The following CDKN3 variants were observed in gnomAD, a reference collection of about 807,000 sequenced individuals.
CDKN3 encodes the protein cyclin-dependent kinase inhibitor 3.
Under a neutral mutation model 36.1 loss-of-function variants are expected in CDKN3, and 19 were observed. The ratio of observed to expected loss-of-function variants is 0.53; its 90% CI spans 0.37 to 0.77. The LOEUF (loss-of-function observed/expected upper bound fraction) is 0.77. Ranked by LOEUF, CDKN3 falls within the 30% of genes least tolerant of loss-of-function variation. The pLI is 0.00. For missense variants in CDKN3, 188 were observed against 248.6 expected, an observed-to-expected ratio of 0.76 and a Z score of 1.64; for synonymous variants, 71 against 85.3, an observed-to-expected ratio of 0.83 and a Z score of 0.92.
intron 4 of CDKN3, among the ~76,000 whole-genome samples, chr14:54,410,538 A>G (rs894906335): frequency 6.6e-6 from 1 of 152,212 alleles, no homozygotes; most frequent in African/African-American, 2.4e-5. Context: ...TATTCATATC[A>G]TTATAATGAG....
chr14:54,398,672 T>A (rs944320190), intron 1 of CDKN3, among the ~76,000 whole-genome samples: 3 of 152,248 alleles, frequency 2.0e-5, no homozygotes, highest in Admixed American at 1.3e-4. Context: ...TTTTTCTTTT[T>A]CTTTTGATTC....
At chr14:54,407,542 C>G (rs1269184901) in intron 3 of CDKN3, among the ~76,000 whole-genome samples, 1 of 152,184 alleles carries the variant, frequency 6.6e-6, no homozygotes, top group Non-Finnish European at 1.5e-5. Context: ...GATGCCCTGC[C>G]CAGAGTGGAG....
intron 3 of CDKN3, among the ~76,000 whole-genome samples, chr14:54,407,458 G>A (rs1043696907): frequency 7.2e-5 from 11 of 152,168 alleles, no homozygotes; most frequent in Non-Finnish European, 1.3e-4. Context: ...CATCCCTTCC[G>A]CCAGGTGCTC....
intron 3 of CDKN3, among the ~76,000 whole-genome samples, chr14:54,404,351 G>C (rs895053523): frequency 6.6e-6 from 1 of 152,104 alleles, no homozygotes. Context: ...GGTGTTTATA[G>C]TATTCTCTGA....
intron 6 of CDKN3, 95 bp downstream of exon 6, chr14:54,416,025 C>A (rs560021222): frequency 5.4e-6 from 5 of 932,756 alleles, no homozygotes; most frequent in Non-Finnish European, 8.7e-6. Flanking sequence ...TGGAACCAAG[C>A]AAAATATAAG....
chr14:54,407,050 G>A (rs371002846), intron 3 of CDKN3, among the ~76,000 whole-genome samples: 1 of 152,194 alleles, frequency 6.6e-6, no homozygotes, highest in Non-Finnish European at 1.5e-5. Context: ...TTCCGTTGAT[G>A]TTGATGCTAT....
In CDKN3 at chr14:54,397,046, G is replaced by T; in HGVS notation, c.-23G>T. ...GGCGCTGCAGAGGGAGGCGGCACTGGTCTCGACGTGGGGCGGCCAGCGATG... is the reference window on the plus strand; with the variant it reads ...GGCGCTGCAGAGGGAGGCGGCACTGTTCTCGACGTGGGGCGGCCAGCGATG... On this transcript the variant is annotated 5_prime_UTR_variant, in exon 1 of 8. Coordinates refer to ENST00000335183, the MANE Select transcript of CDKN3 (RefSeq NM_005192.4). 6.7e-7 allele frequency: 1 copy of T among 1,496,542 alleles called. No individual in the cohort carries two copies. The highest frequency in any genetic ancestry group is 2.8e-5 in the East Asian group (1 of 36,334). The allele number at this position is 1,496,542 out of a possible 1,614,324, so 92.7% of individuals were successfully genotyped here. A position where few individuals can be genotyped will look rare whatever the true frequency, so the allele number is the denominator to read the frequency against.
chr14:54,413,569 T>C (rs2030432172), intron 5 of CDKN3: 14 of 1,406,076 alleles, frequency 1.0e-5, no homozygotes, highest in Non-Finnish European at 1.3e-5. Flanking sequence ...TCCCATAAAA[T>C]AAAGCATCTG....
chr14:54,418,025 A>C, intron 7 of CDKN3, 74 bp downstream of exon 7: 4 of 814,254 alleles, frequency 4.9e-6, no homozygotes, highest in Non-Finnish European at 8.2e-6. Flanking sequence ...GTGTAACCAA[A>C]AGGTTACATA....
At chr14:54,417,247 C>T (rs759839917) in intron 6 of CDKN3, among the ~76,000 whole-genome samples, 50 of 152,132 alleles carry the variant, frequency 3.3e-4, no homozygotes, top group Non-Finnish European at 5.4e-4. Context: ...TGGAAACAGC[C>T]TAAATGTCCA....
chr14:54,408,810 C>A, intron 4 of CDKN3, 21 bp downstream of exon 4: 2 of 1,545,884 alleles, frequency 1.3e-6, no homozygotes, highest in Non-Finnish European at 1.7e-6. Context: ...TATCACGCAA[C>A]CACACTCATG....
chr14:54,417,734 T>G (rs2030596236), intron 6 of CDKN3, 114 bp from the exon 7 acceptor site: 1 of 547,666 alleles, frequency 1.8e-6, no homozygotes. Context: ...TTTTAATTCA[T>G]TTGGAACAAT....
chr14:54,416,039 G>A, intron 6 of CDKN3, 109 bp downstream of exon 6: 1 of 838,448 alleles, frequency 1.2e-6, no homozygotes. Context: ...ATATAAGTTT[G>A]CTAAGACTCA....
chr14:54,407,607 G>A (rs912670390), intron 3 of CDKN3, among the ~76,000 whole-genome samples: 5 of 152,170 alleles, frequency 3.3e-5, no homozygotes, highest in Non-Finnish European at 5.9e-5. Context: ...GGTGGGTTCC[G>A]CACCCAGTTC....
chr14:54,412,156 G>A (rs969249029), intron 5 of CDKN3, among the ~76,000 whole-genome samples: 3 of 152,182 alleles, frequency 2.0e-5, no homozygotes, highest in South Asian at 2.1e-4. Context: ...TGTGGTGGGT[G>A]GCTCACTTGA....
rs1198546552 is a variant in CDKN3 at position 54,402,311 on chromosome 14, T to TGC, written c.148+733_148+734insCG. ...TAGTATTCCATGGCATGTGTGTGCG[T>TGC]GTGTGTGTGTGTGTGTGTGTGTGTA... On this transcript the variant is annotated intron_variant, in intron 3 of 7. Coordinates refer to ENST00000335183, the MANE Select transcript of CDKN3 (RefSeq NM_005192.4). 5.1e-4 allele frequency among the ~76,000 whole-genome samples: 68 copies of TGC among 133,194 alleles called. 1 individual carries two copies. The Middle Eastern group carries it at 0.032, about 63-fold the overall frequency. 87.4% of individuals were successfully genotyped at this position (133,194 alleles called of 152,430 possible).
At chr14:54,404,066 G>A (rs183253860) in intron 3 of CDKN3, among the ~76,000 whole-genome samples, 98 of 152,298 alleles carry the variant, frequency 6.4e-4, no homozygotes, top group African/African-American at 2.3e-3. Context: ...GAGTTAGGGA[G>A]GATTCCCTCT....
intron 3 of CDKN3, among the ~76,000 whole-genome samples, chr14:54,408,372 A>G (rs2139977215): frequency 6.6e-6 from 1 of 152,354 alleles, no homozygotes; most frequent in South Asian, 2.1e-4. Context: ...ACACTTTGCG[A>G]AGCCCTCATG....
In CDKN3 at chr14:54,406,918, G is replaced by A. The variant is rs975748469; in HGVS notation, c.149-1827G>A. Among the ~76,000 whole-genome samples the A allele has an allele frequency of 3.9e-5, 6 of 152,120 alleles. No individual in the cohort carries two copies. The East Asian group carries it at 1.2e-3, about 29-fold the overall frequency. ...GTTGTGATCCTTTGGAGGAGAAGAGGTATTCTGGTTTTTGGAATTTTCAGC... is the reference window on the plus strand; with the variant it reads ...GTTGTGATCCTTTGGAGGAGAAGAGATATTCTGGTTTTTGGAATTTTCAGC... On this transcript the variant is annotated intron_variant, in intron 3 of 7. Transcript: ENST00000335183.
Sources: allele counts gnomAD v4.1 joint callset (sites outside exome capture counted in the v4.1 genomes callset), GRCh38; gene constraint gnomAD v4.1.1; transcripts MANE v1.5; gene names NCBI Gene and HGNC (gene_info 2026-07-23, HGNC 2026-07-21).